The following MYH15 variants were observed in gnomAD, a reference collection of about 807,000 sequenced individuals.
MYH15 encodes myosin-15.
MYH15 carries 227 observed loss-of-function variants against 240.5 expected under a neutral mutation model. That is an observed-to-expected ratio of 0.94 (90% CI 0.85 to 1.05). The LOEUF is 1.05. Ranked by LOEUF, MYH15 falls within the 50% of genes least tolerant of loss-of-function variation. The pLI, the probability that MYH15 is intolerant of heterozygous loss-of-function variation, is 0.00. For missense variants in MYH15, 2,217 were observed against 2,247.5 expected (o/e 0.99, Z 0.27); for synonymous variants, 785 against 796.7 (o/e 0.99, Z 0.25).
intron 27 of MYH15, among the ~76,000 whole-genome samples, chr3:108,424,405 G>A (rs2082710283): frequency 6.6e-6 from 1 of 152,282 alleles, no homozygotes; most frequent in Admixed American, 6.5e-5. Context: ...GGCCTATATG[G>A]GGATATAGCA....
intron 38 of MYH15, among the ~76,000 whole-genome samples, chr3:108,387,010 T>C (rs2082388544): frequency 6.6e-6 from 1 of 151,978 alleles, no homozygotes; most frequent in Admixed American, 6.6e-5. Context: ...AGAGAGAAAA[T>C]AGGACAAGTT....
At chr3:108,429,183 A>G (rs754538905) in intron 26 of MYH15, among the ~76,000 whole-genome samples, 8 of 152,116 alleles carry the variant, frequency 5.3e-5, no homozygotes, top group Admixed American at 1.3e-4. Flanking sequence ...TCATACGACC[A>G]AAAAAACTGT....
chr3:108,463,322 T>A, intron 15 of MYH15, 79 bp from the exon 16 acceptor site: 2 of 502,524 alleles, frequency 4.0e-6, no homozygotes, highest in Non-Finnish European at 5.7e-6. Flanking sequence ...GCATTACCCC[T>A]TTTTTTTTTT....
intron 11 of MYH15, among the ~76,000 whole-genome samples, chr3:108,480,135 T>A (rs2083255000): frequency 6.6e-6 from 1 of 152,014 alleles, no homozygotes; most frequent in African/African-American, 2.4e-5. Context: ...GACACACAAA[T>A]CGAGTATCAC....
At chr3:108,518,310 C>T (rs115910830) in intron 1 of MYH15, among the ~76,000 whole-genome samples, 2 of 152,150 alleles carry the variant, frequency 1.3e-5, no homozygotes, top group African/African-American at 4.8e-5. Context: ...ACCTTTACAT[C>T]CAATCAATTG....
chr3:108,500,040 G>A (rs940639405), intron 4 of MYH15, 78 bp downstream of exon 4: 1 of 1,442,184 alleles, frequency 6.9e-7, no homozygotes, highest in African/African-American at 1.4e-5. Flanking sequence ...TGCTCACAAT[G>A]CCTAAGTGCC....
At chr3:108,548,969 T>C in the MYH15 span, among the ~76,000 whole-genome samples, 3 of 152,050 alleles carry the variant, frequency 2.0e-5, no homozygotes, top group African/African-American at 4.8e-5. Flanking sequence ...TTCCTGACAT[T>C]AAATTAATGA....
the MYH15 span, among the ~76,000 whole-genome samples, chr3:108,536,209 C>T: frequency 6.6e-6 from 1 of 152,078 alleles, no homozygotes; most frequent in Non-Finnish European, 1.5e-5. Flanking sequence ...AGGTTGCAGC[C>T]AGCCAAGATT....
intron 10 of MYH15, 86 bp from the exon 11 acceptor site, chr3:108,485,315 C>G (rs1017452882): frequency 2.0e-5 from 29 of 1,476,626 alleles, no homozygotes; most frequent in Non-Finnish European, 2.7e-5. Context: ...ACACCTCGGG[C>G]TGTGGGCTGA....
intron 40 of MYH15, 120 bp downstream of exon 40, chr3:108,383,475 T>C (rs2082358382): frequency 9.1e-7 from 1 of 1,097,834 alleles, no homozygotes. Flanking sequence ...CCCTTTGTTC[T>C]TATCTTTTAA....
chr3:108,463,014 A>G lies in MYH15; in HGVS notation c.1864+97T>C, dbSNP rs2083084039. 9.4e-6 allele frequency: 13 copies of G among 1,382,396 alleles called. No homozygotes were observed. In the South Asian group the frequency reaches 1.8e-4, roughly 20 times the overall value. The allele number at this position is 1,382,396 out of a possible 1,614,324, so 85.6% of individuals were successfully genotyped here. ...ACGACTCAGACCACAGGGAGCAGAA[A>G]CATATCACAGGAAAGAAGCAAGAAT... On this transcript the variant is annotated intron_variant, in intron 16 of 40. Coordinates refer to ENST00000693548, the MANE Select transcript of MYH15 (RefSeq NM_014981.3).
chr3:108,429,821 GA>G (rs1235407535), intron 26 of MYH15, among the ~76,000 whole-genome samples: 3 of 152,166 alleles, frequency 2.0e-5, no homozygotes, highest in Non-Finnish European at 4.4e-5. Context: ...GGTGCTTAAA[GA>G]AAGTATGATT....
intron 25 of MYH15, among the ~76,000 whole-genome samples, chr3:108,433,826 A>G (rs1344040731): frequency 2.0e-5 from 3 of 152,126 alleles, no homozygotes; most frequent in South Asian, 2.1e-4. Context: ...AAATTACCCA[A>G]TCTTGGGTAT....
chr3:108,384,931 G>A (rs2082370521), intron 38 of MYH15, 149 bp from the exon 39 acceptor site: 1 of 650,704 alleles, frequency 1.5e-6, no homozygotes, highest in Non-Finnish European at 2.6e-6. Context: ...ACTCACCCAA[G>A]TTCCAAGAAA....
chr3:108,465,292 G>A (rs911418950), intron 14 of MYH15, among the ~76,000 whole-genome samples: 1 of 152,158 alleles, frequency 6.6e-6, no homozygotes, highest in African/African-American at 2.4e-5. Flanking sequence ...GAAAAATGAA[G>A]AATGCAAAGG....
Position 108,428,629 on chromosome 3 carries a change from C to T in MYH15, c.3565G>A (p.Ala1189Thr). The T allele has an allele frequency of 6.2e-7, 1 of 1,613,826 alleles. No homozygotes were observed. Among genetic ancestry groups the T allele is most frequent in the Non-Finnish European group, 8.5e-7 (1 of 1,180,002 alleles). The change falls in exon 27 of 41, where the codon GCA (alanine) becomes ACA (threonine). Residue 1189 changes from alanine to threonine, a missense_variant. Physicochemically the swap from Ala to Thr is moderately conservative, Grantham distance 58 (BLOSUM62 0). Coordinates refer to ENST00000693548, the MANE Select transcript of MYH15 (RefSeq NM_014981.3). Reference protein sequence around the residue: ...TTSASLKKRHADSLAELEGQV... With the variant: ...TTSASLKKRHTDSLAELEGQV... Reference sequence around the variant, plus strand: ...CCCTCGAGCTCAGCCAGGCTGTCTGCATGTCTCTTCTTCAAAGATGCAGAA... The same window carrying T: ...CCCTCGAGCTCAGCCAGGCTGTCTGTATGTCTCTTCTTCAAAGATGCAGAA...
At chr3:108,517,572 A>T (rs760315669) in intron 1 of MYH15, among the ~76,000 whole-genome samples, 1 of 152,102 alleles carries the variant, frequency 6.6e-6, no homozygotes, top group Non-Finnish European at 1.5e-5. Flanking sequence ...ACTTCAAGTG[A>T]TCCACCCACC....
At chr3:108,485,069 A>G (rs1420555917) in intron 11 of MYH15, 22 bp downstream of exon 11, 3 of 1,612,606 alleles carry the variant, frequency 1.9e-6, no homozygotes, top group Admixed American at 1.7e-5. Context: ...AGTATATACC[A>G]TATCTTCAAA....
rs1419662386 is a variant in MYH15 at position 108,428,689 on chromosome 3, C to T, written c.3505G>A (p.Asp1169Asn). 1.9e-6 allele frequency: 3 copies of T among 1,613,868 alleles called. No homozygotes were observed. The African/African-American group carries it at 4.0e-5, about 22-fold the overall frequency. The change falls in exon 27 of 41, where the codon GAC becomes AAC. Residue 1169 changes from aspartate (D) to asparagine (N), a missense_variant. By Grantham distance (23) the Asp-to-Asn change is conservative (BLOSUM62 1). Coordinates refer to ENST00000693548, the MANE Select transcript of MYH15 (RefSeq NM_014981.3). ...QETKFQKLHR[D>N]MEEATLHFET... ...AAGTGCAGAGTGGCCTCTTCCATGT[C>T]TCGGTGCAGCTTCTGGAATTTGGTT...
Sources: allele counts gnomAD v4.1 joint callset (sites outside exome capture counted in the v4.1 genomes callset), GRCh38; gene constraint gnomAD v4.1.1; transcripts MANE v1.5; gene names NCBI Gene and HGNC (gene_info 2026-07-23, HGNC 2026-07-21).